Variants in CDC42BPG observed in about 807,000 individuals in gnomAD.
CDC42BPG encodes the protein CDC42 binding protein kinase gamma.
In CDC42BPG, 157 loss-of-function variants were observed where a neutral mutation model predicts 192.2. The observed-to-expected ratio is 0.82, with a 90% CI of 0.72 to 0.93. CDC42BPG has a LOEUF of 0.93. Ranked by LOEUF, CDC42BPG falls within the 40% of genes least tolerant of loss-of-function variation. CDC42BPG has a pLI of 0.00. For missense variants in CDC42BPG, 1,992 were observed against 2,122.1 expected (o/e 0.94, Z 1.20); for synonymous variants, 981 against 918.5 (o/e 1.07, Z -1.23).
Position 64,840,151 on chromosome 11 carries a change from G to A in CDC42BPG, c.550C>T (p.His184Tyr), listed in dbSNP as rs1172924677. ...ACATAACCCAGCTGGTGCAGCGAGT[G>A]GATGGCCAGCACCATCTCAGCCAGG... ...FYLAEMVLAIHSLHQLGYVHR... is the reference protein window; with the variant it reads ...FYLAEMVLAIYSLHQLGYVHR... The change falls in exon 5 of 37, where the codon CAC becomes TAC. Residue 184 changes from histidine (H) to tyrosine (Y), a missense_variant. Physicochemically the swap from His to Tyr is moderately conservative, Grantham distance 83. Around this residue, in one of 2 missense-constraint regions of CDC42BPG, gnomAD observed 1,656 missense variants for 1,844.3 expected, o/e 0.90. Coordinates refer to ENST00000342711, the MANE Select transcript of CDC42BPG (RefSeq NM_017525.3). The A allele has an allele frequency of 1.2e-6, 2 of 1,612,930 alleles. No individual in the cohort carries two copies. The highest frequency in any genetic ancestry group is 3.3e-5 in the Admixed American group (2 of 60,010).
At chr11:64,830,734 T>C (rs1178051764) in intron 28 of CDC42BPG, among the ~76,000 whole-genome samples, 2 of 152,194 alleles carry the variant, frequency 1.3e-5, no homozygotes, top group African/African-American at 4.8e-5. Context: ...CTCTGTTTCA[T>C]GCCTCTTTCC....
At chr11:64,827,005 C>A in intron 34 of CDC42BPG, 45 bp downstream of exon 34, 1 of 1,407,868 alleles carries the variant, frequency 7.1e-7, no homozygotes, top group Non-Finnish European at 1.0e-6. Context: ...CGGTTATTGG[C>A]TCAGCCTCAC....
At chr11:64,831,376 G>A (rs914447196) in intron 28 of CDC42BPG, 129 bp downstream of exon 28, 7 of 823,118 alleles carry the variant, frequency 8.5e-6, no homozygotes, top group South Asian at 7.0e-5. Context: ...GAGCACATAC[G>A]TGGTGCAAGG....
At position 64,824,207 on chromosome 11, in the gene CDC42BPG, G is replaced by A. The variant is rs670358; in HGVS notation, c.*266C>T. 80,905 of 535,706 alleles carry A rather than the reference G, an allele frequency of 0.15. 8,996 individuals carry two copies. Among genetic ancestry groups the A allele is most frequent in the East Asian group, 0.38 (11,594 of 30,534 alleles). The allele number at this position is 535,706 out of a possible 1,614,324, so 33.2% of individuals were successfully genotyped here. On this transcript the variant is annotated 3_prime_UTR_variant, in exon 37 of 37. Transcript: ENST00000342711. ...TAAGAGCTTTGGCACAATCACCCCT[G>A]GACACCAGAACAAAAGGGGCCATTC...
Position 64,834,429 on chromosome 11 carries a change from C to T in CDC42BPG, c.2324G>A (p.Arg775His), listed in dbSNP as rs775596454. Reference sequence around the variant, plus strand: ...CCCCAGTGCCTGCCCCTAGCCTCACCGCTCAGCCTGCAGCTGGGCCTCCTG... The same window carrying T: ...CCCCAGTGCCTGCCCCTAGCCTCACTGCTCAGCCTGCAGCTGGGCCTCCTG... ...QVQEAQLQAE[R>H]RLQEAEKQSQ... Residue 775 changes from arginine to histidine, a missense_variant and splice_region_variant, in exon 19 of 37, where the codon CGC (arginine) becomes CAC (histidine). Around this residue, in one of 2 missense-constraint regions of CDC42BPG, gnomAD observed 1,656 missense variants for 1,844.3 expected, o/e 0.90. Transcript: ENST00000342711. The T allele has an allele frequency of 7.7e-6, 12 of 1,564,276 alleles. No individual in the cohort carries two copies. Among genetic ancestry groups the T allele is most frequent in the African/African-American group, 4.1e-5 (3 of 73,862 alleles).
chr11:64,830,328 G>A (rs1385612526), intron 28 of CDC42BPG, 72 bp from the exon 29 acceptor site: 4 of 1,226,856 alleles, frequency 3.3e-6, no homozygotes, highest in African/African-American at 1.5e-5. Context: ...CAGTCCACCT[G>A]CCCTGCTGTG....
At position 64,827,751 on chromosome 11, in the gene CDC42BPG, C is replaced by T. The variant is rs769055544; in HGVS notation, c.4000G>A (p.Glu1334Lys). Residue 1334 changes from glutamate (E) to lysine (K), a missense_variant, in exon 31 of 37, where the codon GAG becomes AAG. Glu to Lys is a moderately conservative substitution (Grantham distance 56, BLOSUM62 1). Coordinates refer to ENST00000342711, the MANE Select transcript of CDC42BPG (RefSeq NM_017525.3). The part of the protein sequence containing the change: ...YAAPYLTVFS[E>K]NSIDVFDVRR... ...ACGTCAAACACATCGATGGAGTTCTCGCTGAACACTGTCAGGTAGGGGGCC... is the reference window on the plus strand; with the variant it reads ...ACGTCAAACACATCGATGGAGTTCTTGCTGAACACTGTCAGGTAGGGGGCC... The T allele has an allele frequency of 3.1e-6, 5 of 1,612,892 alleles. No individual in the cohort carries two copies. Among genetic ancestry groups the T allele is most frequent in the Non-Finnish European group, 4.2e-6 (5 of 1,179,372 alleles).
chr11:64,844,198 G>A (rs970579741), intron 1 of CDC42BPG, among the ~76,000 whole-genome samples: 1 of 152,012 alleles, frequency 6.6e-6, no homozygotes, highest in Non-Finnish European at 1.5e-5. Flanking sequence ...TCTGTGAGAG[G>A]GAGAGAGCGT....
intron 11 of CDC42BPG, 56 bp downstream of exon 11, chr11:64,836,683 C>G (rs1323467713): frequency 8.1e-7 from 1 of 1,241,948 alleles, no homozygotes; most frequent in Non-Finnish European, 1.1e-6. Context: ...GGGCAGGACC[C>G]GAGCCCAGGT....
At position 64,837,005 on chromosome 11, in the gene CDC42BPG, C is replaced by T; in HGVS notation, c.1220G>A (p.Ser407Asn). ...TYTSGSHSPE[S>N]SSEAWAALER... ...CAGGGCAGCCCAAGCCTCAGAGCTGCTCTCAGGACTGTGACTGTAGGGGGA... is the reference window on the plus strand; with the variant it reads ...CAGGGCAGCCCAAGCCTCAGAGCTGTTCTCAGGACTGTGACTGTAGGGGGA... Residue 407 changes from serine (S) to asparagine (N), a missense_variant, in exon 10 of 37, where the codon AGC becomes AAC. This residue lies in a region of CDC42BPG where 1,656 missense variants were observed against 1,844.3 expected (regional missense o/e 0.90). Coordinates refer to ENST00000342711, the MANE Select transcript of CDC42BPG (RefSeq NM_017525.3). 2.5e-6 allele frequency: 4 copies of T among 1,613,362 alleles called. No homozygotes were observed. The highest frequency in any genetic ancestry group is 3.4e-6 in the Non-Finnish European group (4 of 1,179,754).
At chr11:64,831,332 T>C (rs375229241) in intron 28 of CDC42BPG, among the ~76,000 whole-genome samples, 173 bp downstream of exon 28, 2 of 152,006 alleles carry the variant, frequency 1.3e-5, no homozygotes, top group African/African-American at 4.8e-5. Context: ...CCAGGCCCCC[T>C]ACCTGGGGGC....
intron 32 of CDC42BPG, 44 bp from the exon 33 acceptor site, chr11:64,827,442 G>A (rs1383970068): frequency 6.2e-7 from 1 of 1,605,098 alleles, no homozygotes; most frequent in East Asian, 2.2e-5. Context: ...CACATTCCCG[G>A]GGCCCAGTCA....
chr11:64,832,276 C>T (rs1271516973), intron 27 of CDC42BPG, 152 bp downstream of exon 27: 4 of 821,608 alleles, frequency 4.9e-6, no homozygotes, highest in Non-Finnish European at 6.1e-6. Flanking sequence ...AGATCCTAAA[C>T]GAGGTGAGAC....
chr11:64,834,864 G>A lies in CDC42BPG; in HGVS notation c.2160C>T (p.Leu720=), dbSNP rs767022088. 1 of 1,613,418 alleles carries A rather than the reference G, an allele frequency of 6.2e-7. No homozygotes were observed. Among genetic ancestry groups the A allele is most frequent in the Non-Finnish European group, 8.5e-7 (1 of 1,179,910 alleles). Residue 720 remains leucine, a synonymous_variant, in exon 18 of 37, where the codon CTC becomes CTT. Coordinates refer to ENST00000342711, the MANE Select transcript of CDC42BPG (RefSeq NM_017525.3). ...ESLRNVGTQT[L]PARPLDHQWK... is the part of the protein sequence containing the mutation. ...TGGGGCTCACCAGTGGCCGGGCAGGGAGCGTCTGGGTGCCTACGTTCCTCA... is the reference window on the plus strand; with the variant it reads ...TGGGGCTCACCAGTGGCCGGGCAGGAAGCGTCTGGGTGCCTACGTTCCTCA...
At chr11:64,832,283 A>T in intron 27 of CDC42BPG, 145 bp downstream of exon 27, 1 of 857,020 alleles carries the variant, frequency 1.2e-6, no homozygotes. Context: ...AAACGAGGTG[A>T]GACCGGGCCA....
intron 1 of CDC42BPG, among the ~76,000 whole-genome samples, chr11:64,843,768 C>G (rs2136435020): frequency 6.6e-6 from 1 of 152,348 alleles, no homozygotes; most frequent in African/African-American, 2.4e-5. Flanking sequence ...GGCCCCGGCG[C>G]CACAGCCCCC....
intron 18 of CDC42BPG, 60 bp from the exon 19 acceptor site, chr11:64,834,637 C>T (rs1942885492): frequency 1.4e-6 from 2 of 1,477,874 alleles, no homozygotes; most frequent in Non-Finnish European, 1.8e-6. Context: ...TCAGGGACCC[C>T]CTGCTACCAG....
Position 64,830,042 on chromosome 11 carries a change from G to A in CDC42BPG, c.3396C>T (p.Arg1132=), listed in dbSNP as rs771011142. The stretch of plus-strand genomic sequence containing the variant: ...TGGGGCTCAAGGTCAGCTGCTGCAC[G>A]CGCCGGCACTCCCCCACCTGGAAGA... ...NDIFQVGECR[R]VQQLTLSPSA... Residue 1132 remains arginine, a synonymous_variant, in exon 30 of 37, where the codon CGC becomes CGT. Coordinates refer to ENST00000342711, the MANE Select transcript of CDC42BPG (RefSeq NM_017525.3). 16 of 1,612,456 alleles carry A rather than the reference G, an allele frequency of 9.9e-6. No individual in the cohort carries two copies. Among genetic ancestry groups the A allele is most frequent in the African/African-American group, 5.3e-5 (4 of 74,918 alleles).
rs1271154704 is a variant in CDC42BPG at position 64,833,592 on chromosome 11, G to A, written c.2625+8C>T. 1.2e-6 allele frequency: 2 copies of A among 1,605,320 alleles called. No individual in the cohort carries two copies. Among genetic ancestry groups the A allele is most frequent in the East Asian group, 2.2e-5 (1 of 44,670 alleles). ...GCCCCCACCCTGCTTGCCCCTCTGGGCACTGACCTTAGCAGGAAGACCTTC... is the reference window on the plus strand; with the variant it reads ...GCCCCCACCCTGCTTGCCCCTCTGGACACTGACCTTAGCAGGAAGACCTTC... On this transcript the variant is annotated splice_region_variant and intron_variant, in intron 23 of 36. Coordinates refer to ENST00000342711, the MANE Select transcript of CDC42BPG (RefSeq NM_017525.3).
Sources: gnomAD v4.1 joint callset for allele counts (sites outside exome capture counted in the v4.1 genomes callset) on GRCh38, gnomAD v4.1.1 for gene constraint, gnomAD v4.1.1 regional missense constraint, MANE v1.5 for transcripts, NCBI Gene and HGNC (gene_info 2026-07-23, HGNC 2026-07-21) for gene names.